MTMR1: variants seen among roughly 807,000 people sequenced by gnomAD.
The protein encoded by MTMR1 is phosphatidylinositol-3-phosphate phosphatase MTMR1.
A neutral mutation model predicts 51.6 loss-of-function variants in MTMR1; 17 were observed. The ratio of observed to expected loss-of-function variants is 0.33; its 90% CI spans 0.23 to 0.49. MTMR1 has a LOEUF of 0.49. MTMR1 is among the 20% of genes least tolerant of loss of function. MTMR1 has a pLI of 0.99. For synonymous variants in MTMR1, 201 were observed against 205.6 expected, an observed-to-expected ratio of 0.98 and a Z score of 0.19; for missense variants, 386 against 526.9, an observed-to-expected ratio of 0.73 and a Z score of 2.62.
chrX:150,736,605 G>A lies in MTMR1; in HGVS notation c.1091G>A (p.Gly364Glu). Residue 364 changes from glycine to glutamate, a missense_variant, in exon 11 of 16, where the codon GGA (glycine) becomes GAA (glutamate). Coordinates refer to ENST00000445323, the MANE Select transcript of MTMR1 (RefSeq NM_001306144.3). ...SVADTNKTKG[G>E]GYESESAYPN... is the part of the protein sequence containing the mutation. ...TTTTGTTTTTCGTAGACAAAGGGTGGAGGATATGAAAGTGAAAGTGCTTAC... is the reference window on the plus strand; with the variant it reads ...TTTTGTTTTTCGTAGACAAAGGGTGAAGGATATGAAAGTGAAAGTGCTTAC... The A allele has an allele frequency of 8.3e-7, 1 of 1,206,700 alleles. No homozygotes were observed. The highest frequency in any genetic ancestry group is 1.1e-6 in the Non-Finnish European group (1 of 892,633).
rs372190631 is a variant in MTMR1, at chrX:150,737,359, C to T, written c.1384C>T (p.Leu462=). 1.3e-4 allele frequency: 159 copies of T among 1,209,516 alleles called. No individual in the cohort carries two copies. The highest frequency in any genetic ancestry group is 1.7e-4 in the Non-Finnish European group (153 of 894,862). Residue 462 remains leucine (L), a synonymous_variant, in exon 12 of 16, where the codon CTA becomes TTA. Transcript: ENST00000445323. ...AGCCCAGCTCACATCTCTGGCTATG[C>T]TAATGTTGGACAGTTACTACAGGAC... is the stretch of plus-strand genomic sequence containing the variant. The part of the protein sequence containing the change: ...RTAQLTSLAM[L]MLDSYYRTIK...
intron 13 of MTMR1, 34 bp from the exon 14 acceptor site, chrX:150,750,696 C>G: frequency 3.1e-6 from 3 of 973,466 alleles, no homozygotes; most frequent in Non-Finnish European, 4.3e-6. Context: ...AAATTGGACT[C>G]TATGACTAAA....
chrX:150,705,018 A>G (rs1359144972), intron 2 of MTMR1, among the ~76,000 whole-genome samples: 1 of 111,870 alleles, frequency 8.9e-6, no homozygotes, highest in Non-Finnish European at 1.9e-5. Context: ...AAAATAGAGA[A>G]GTTTCCACAA....
chrX:150,718,751 C>T lies in MTMR1; in HGVS notation c.352+51C>T, dbSNP rs782382677. 4.4e-6 allele frequency: 5 copies of T among 1,140,135 alleles called. No individual in the cohort carries two copies. The Admixed American group carries it at 1.3e-4, about 29-fold the overall frequency. The allele number at this position is 1,140,135 out of a possible 1,213,427, so 94.0% of individuals were successfully genotyped here. On this transcript the variant is annotated intron_variant, in intron 4 of 15. Transcript: ENST00000445323. Reference sequence around the variant, plus strand: ...TTTTGAGATCCATAAAATGAAATGGCACTTAATTTGCAAGTGGAGGTGATG... The same window carrying T: ...TTTTGAGATCCATAAAATGAAATGGTACTTAATTTGCAAGTGGAGGTGATG...
At position 150,718,613 on chromosome X, in the gene MTMR1, T is replaced by C; in HGVS notation, c.277-12T>C. On this transcript the variant is annotated splice_polypyrimidine_tract_variant and intron_variant, in intron 3 of 15. Coordinates refer to ENST00000445323, the MANE Select transcript of MTMR1 (RefSeq NM_001306144.3). ...TTTTTTTTTTTTTTTTTTTTTTTTT[T>C]TTTTTTGCCAGGCTCTAAGGGATGG... 2 of 625,123 alleles carry C rather than the reference T, an allele frequency of 3.2e-6. No homozygotes were observed. The highest frequency in any genetic ancestry group is 4.4e-6 in the Non-Finnish European group (2 of 456,953). 51.5% of individuals were successfully genotyped at this position (625,123 alleles called of 1,213,427 possible).
chrX:150,736,469 C>A, intron 10 of MTMR1, 126 bp from the exon 11 acceptor site: 2 of 578,596 alleles, frequency 3.5e-6, no homozygotes, highest in Non-Finnish European at 5.2e-6. Flanking sequence ...GAAACTCATA[C>A]AAGGATATAG....
chrX:150,757,074 T>C (rs1039775088), intron 15 of MTMR1, among the ~76,000 whole-genome samples: 2 of 112,653 alleles, frequency 1.8e-5, no homozygotes, highest in Non-Finnish European at 3.8e-5. Flanking sequence ...TGCCTTCCTC[T>C]CCATCCTCCT....
intron 13 of MTMR1, among the ~76,000 whole-genome samples, chrX:150,749,635 C>T (rs185467195): frequency 8.9e-6 from 1 of 112,023 alleles, no homozygotes; most frequent in East Asian, 2.8e-4. Flanking sequence ...TGCAAAATCC[C>T]ATCAAGAATT....
intron 4 of MTMR1, among the ~76,000 whole-genome samples, chrX:150,720,912 A>G (rs1474177048): frequency 9.0e-6 from 1 of 111,330 alleles, no homozygotes; most frequent in African/African-American, 3.3e-5. Flanking sequence ...TTCACCATGA[A>G]ATATAATGTT....
In MTMR1 at chrX:150,755,251, C is replaced by T. The variant is rs183665787; in HGVS notation, c.1681-438C>T. 5.4e-5 allele frequency among the ~76,000 whole-genome samples: 6 copies of T among 111,340 alleles called. No individual in the cohort carries two copies. In the East Asian group the frequency reaches 1.7e-3, roughly 31 times the overall value. On this transcript the variant is annotated intron_variant, in intron 14 of 15. Coordinates refer to ENST00000445323, the MANE Select transcript of MTMR1 (RefSeq NM_001306144.3). ...GTAGAGACAAAGTCTCACTGTGTTG[C>T]CCAGGCTAGTCTCAAACTCCTGCCT... is the stretch of plus-strand genomic sequence containing the variant.
chrX:150,716,865 T>C (rs2041534857), intron 3 of MTMR1, among the ~76,000 whole-genome samples: 1 of 112,477 alleles, frequency 8.9e-6, no homozygotes, highest in African/African-American at 3.2e-5. Context: ...ATAAAAGACA[T>C]CCATTTAAAA....
intron 6 of MTMR1, among the ~76,000 whole-genome samples, chrX:150,729,218 C>CCACACACACACACA (rs57306023): frequency 1.0e-5 from 1 of 100,107 alleles, no homozygotes; most frequent in Admixed American, 1.1e-4. Context: ...ACACACCCAC[C>CCACACACACACACA]CACACACACA....
rs7058730 is a variant in MTMR1 at position 150,760,904 on chromosome X, G to A, written c.1858-1661G>A. On this transcript the variant is annotated intron_variant, in intron 15 of 15. Transcript: ENST00000445323. ...ATCGTGCCGCTGCACTCCAGCCTGG[G>A]GGAGAGAGTGAGACTGCATTCCGCC... Among the ~76,000 whole-genome samples, 397 of 102,405 alleles carry A rather than the reference G, an allele frequency of 3.9e-3. 1 individual carries two copies. The highest frequency in any genetic ancestry group is 0.013 in the African/African-American group (357 of 28,050). The allele number at this position is 102,405 out of a possible 115,157, so 88.9% of individuals were successfully genotyped here.
Position 150,727,728 on chromosome X carries a change from A to C in MTMR1, c.492A>C (p.Arg164Ser). Reference protein sequence around the residue: ...ILDVPLGVISRVEKIGAQSHG... With the variant: ...ILDVPLGVISSVEKIGAQSHG... ...ATGTTCCCCTTGGAGTGATCAGCAG[A>C]GTGGAGAAGATTGGAGCACAGAGCC... Residue 164 changes from arginine to serine, a missense_variant, in exon 6 of 16, where the codon AGA (arginine) becomes AGC (serine). Coordinates refer to ENST00000445323, the MANE Select transcript of MTMR1 (RefSeq NM_001306144.3). The C allele has an allele frequency of 8.3e-7, 1 of 1,211,562 alleles. No homozygotes were observed. The highest frequency in any genetic ancestry group is 1.1e-6 in the Non-Finnish European group (1 of 895,260).
intron 15 of MTMR1, 150 bp from the exon 16 acceptor site, chrX:150,762,415 C>A: frequency 1.4e-6 from 1 of 709,491 alleles, no homozygotes; most frequent in Non-Finnish European, 2.1e-6. Flanking sequence ...CATTGTCCAC[C>A]TGACGCGAGA....
chrX:150,760,480 G>C (rs1446973047), intron 15 of MTMR1, among the ~76,000 whole-genome samples: 1 of 111,932 alleles, frequency 8.9e-6, no homozygotes, highest in African/African-American at 3.3e-5. Context: ...TATTTCCTTT[G>C]GGACTGTCTT....
In MTMR1 at chrX:150,727,324, G is replaced by A. The variant is rs991702517; in HGVS notation, c.447+15G>A. ...ATGTCGAGAGGGTGAGTTTTTTAAA[G>A]TGTGTTTTATTTTAAAAGAAACACT... On this transcript the variant is annotated intron_variant, in intron 5 of 15. Coordinates refer to ENST00000445323, the MANE Select transcript of MTMR1 (RefSeq NM_001306144.3). 1 of 1,156,861 alleles carries A rather than the reference G, an allele frequency of 8.6e-7. No homozygotes were observed.
upstream of MTMR1, chrX:150,693,350 C>G: frequency 1.7e-6 from 1 of 587,725 alleles, no homozygotes; most frequent in South Asian, 8.6e-5. Flanking sequence ...TCCCGCCCCC[C>G]GACCCCCGCG....
In MTMR1 at chrX:150,699,206, C is replaced by T. The variant is rs782264204; in HGVS notation, c.158C>T (p.Ser53Leu). The T allele has an allele frequency of 5.1e-6, 6 of 1,179,990 alleles. No homozygotes were observed. In the East Asian group the frequency reaches 1.2e-4, roughly 24 times the overall value. Residue 53 changes from serine to leucine, a missense_variant, in exon 2 of 16, where the codon TCA becomes TTA. Coordinates refer to ENST00000445323, the MANE Select transcript of MTMR1 (RefSeq NM_001306144.3). ...SVETLDSPTG[S>L]HVEWCKQLIA... ...GCTATTTTTTTTAGTCCCACAGGAT[C>T]ACATGTTGAATGGTGTAAACAGCTT...
Sources: gnomAD v4.1 joint callset for allele counts (sites outside exome capture counted in the v4.1 genomes callset) on GRCh38, gnomAD v4.1.1 for gene constraint, MANE v1.5 for transcripts, NCBI Gene and HGNC (gene_info 2026-07-23, HGNC 2026-07-21) for gene names.